Variants in KAT5 observed in about 807,000 individuals in gnomAD.
The protein encoded by KAT5 is lysine acetyltransferase 5, also known as histone acetyltransferase KAT5.
KAT5 carries 31 observed loss-of-function variants against 68.1 expected under a neutral mutation model. That is an observed-to-expected ratio of 0.46 (90% CI 0.34 to 0.61). The LOEUF (loss-of-function observed/expected upper bound fraction) is 0.61. Ranked by LOEUF, KAT5 falls within the 20% of genes least tolerant of loss-of-function variation. The pLI is 0.01. For synonymous variants in KAT5, 365 were observed against 292.6 expected (o/e 1.25, Z -2.52); for missense variants, 451 against 725.5 (o/e 0.62, Z 4.35).
chr11:65,714,988 TCAAGC>T, intron 8 of KAT5, 78 bp downstream of exon 8: 1 of 1,284,332 alleles, frequency 7.8e-7, no homozygotes. Context: ...CACTGACCAG[TCAAGC>T]CAGCAGATCA....
chr11:65,718,555 CCTCTTA>C (rs1857284998), intron 10 of KAT5, 29 bp from the exon 11 acceptor site: 2 of 1,597,114 alleles, frequency 1.3e-6, no homozygotes, highest in Non-Finnish European at 1.7e-6. Context: ...TCATCTGTGA[CCTCTTA>C]CTCACCCTCT....
upstream of KAT5, chr11:65,712,249 G>A (rs1857042128): frequency 7.1e-7 from 1 of 1,405,744 alleles, no homozygotes. Context: ...GGCCGGAAGT[G>A]GCAGTGGAGG....
intron 7 of KAT5, 31 bp from the exon 8 acceptor site, chr11:65,714,790 C>T (rs1268064559): frequency 6.2e-7 from 1 of 1,614,182 alleles, no homozygotes; most frequent in Non-Finnish European, 8.5e-7. Context: ...CTCCACGTTG[C>T]CCTTGTTCCT....
At chr11:65,716,351 A>G in intron 8 of KAT5, 2 of 316,992 alleles carry the variant, frequency 6.3e-6, no homozygotes, top group Non-Finnish European at 5.9e-6. Context: ...CTGCTGTTAA[A>G]AAACATTAAA....
intron 10 of KAT5, 75 bp from the exon 11 acceptor site, chr11:65,718,515 G>A (rs1857283246): frequency 4.6e-6 from 7 of 1,519,018 alleles, no homozygotes; most frequent in Non-Finnish European, 6.3e-6. Context: ...GCCTGCCTTG[G>A]CAACCTGTGT....
chr11:65,717,205 G>C lies in KAT5; in HGVS notation c.1264+223G>C. On this transcript the variant is annotated intron_variant, in intron 10 of 12. Transcript: ENST00000341318. ...GCCCCCCAGTTTGCTCCTTGGCCAG[G>C]GTTCTAAGTGCCACTCAGCTTTCCC... The C allele has an allele frequency of 1.7e-5, 10 of 589,830 alleles. No homozygotes were observed. In the South Asian group the frequency reaches 1.8e-4, roughly 11 times the overall value. 36.5% of individuals were successfully genotyped at this position (589,830 alleles called of 1,614,324 possible). A position where few individuals can be genotyped will look rare whatever the true frequency, so the allele number is the denominator to read the frequency against.
chr11:65,717,113 C>T (rs1857222877), intron 10 of KAT5, 131 bp downstream of exon 10: 5 of 710,458 alleles, frequency 7.0e-6, no homozygotes, highest in Admixed American at 4.4e-5. Flanking sequence ...CCAGAAATAA[C>T]AGTGGCACTC....
chr11:65,712,151 G>C (rs1309895859), upstream of KAT5: 10 of 1,024,748 alleles, frequency 9.8e-6, no homozygotes, highest in South Asian at 2.4e-5. Context: ...GCTGGGTCGC[G>C]GTGTCTCTCA....
intron 1 of KAT5, 39 bp from the exon 2 acceptor site, chr11:65,712,727 C>T (rs755341837): frequency 6.5e-5 from 105 of 1,609,508 alleles, no homozygotes; most frequent in Non-Finnish European, 8.3e-5. Flanking sequence ...GTCTCATAGC[C>T]TGGCCTGTCT....
intron 6 of KAT5, 105 bp downstream of exon 6, chr11:65,713,953 G>A: frequency 9.5e-7 from 1 of 1,051,654 alleles, no homozygotes. Flanking sequence ...GGGGTGGTGG[G>A]CAGAGCTAGT....
chr11:65,713,028 G>A lies in KAT5; in HGVS notation c.354G>A (p.Gly118=). Residue 118 remains glycine, a synonymous_variant, in exon 3 of 13, where the codon GGG becomes GGA. Coordinates refer to ENST00000341318, the MANE Select transcript of KAT5 (RefSeq NM_182710.3). ...AKTPTKNGLP[G]SRPGSPEREV... is the part of the protein sequence containing the mutation. ...CCCCCACTAAGAACGGACTTCCTGG[G>A]TCCCGTCCTGGCTCTCCAGAGAGAG... is the stretch of plus-strand genomic sequence containing the variant. 1 of 1,613,458 alleles carries A rather than the reference G, an allele frequency of 6.2e-7. No homozygotes were observed. Among genetic ancestry groups the A allele is most frequent in the Non-Finnish European group, 8.5e-7 (1 of 1,180,012 alleles).
chr11:65,715,274 G>A (rs1857154370), intron 8 of KAT5: 1 of 294,072 alleles, frequency 3.4e-6, no homozygotes, highest in Non-Finnish European at 6.7e-6. Context: ...TGAAGAGTAG[G>A]CATGGATGCA....
chr11:65,716,899 C>G lies in KAT5; in HGVS notation c.1181C>G (p.Ser394Ter). 1 of 1,614,120 alleles carries G rather than the reference C, an allele frequency of 6.2e-7. No individual in the cohort carries two copies. The highest frequency in any genetic ancestry group is 1.3e-5 in the African/African-American group (1 of 75,052). Residue 394 changes from serine (S) to a stop codon, truncating the protein, a stop_gained, in exon 10 of 13, where the codon TCA (serine) becomes TGA (stop). Transcript: ENST00000341318. LOFTEE classifies it high-confidence loss of function. ...IVGYFSKEKE[S>*]TEDYNVACIL... ...GTCCCCCTTCTCCAGGAGAAAGAATCAACGGAAGACTACAATGTGGCCTGC... is the reference window on the plus strand; with the variant it reads ...GTCCCCCTTCTCCAGGAGAAAGAATGAACGGAAGACTACAATGTGGCCTGC...
chr11:65,714,220 C>G, intron 6 of KAT5: 2 of 537,124 alleles, frequency 3.7e-6, no homozygotes, highest in East Asian at 3.3e-5. Flanking sequence ...GCTTGAACCC[C>G]GGAGGTGGAG....
At chr11:65,719,008 G>A (rs1300118434) in intron 12 of KAT5, 39 bp from the exon 13 acceptor site, 4 of 1,614,066 alleles carry the variant, frequency 2.5e-6, no homozygotes, top group Middle Eastern at 1.6e-4. Context: ...GCAGTCCTCT[G>A]TGGGCTGACC....
rs1467127366 is a variant in KAT5, at chr11:65,719,238, C to T, written c.*57C>T. ...CAGCAGGACTGGGGCTGATAGCCCA[C>T]CCCGCCCCCACTGCAGCTCCCACAA... is the stretch of plus-strand genomic sequence containing the variant. On this transcript the variant is annotated 3_prime_UTR_variant, in exon 13 of 13. Transcript: ENST00000341318. 14 of 1,583,754 alleles carry T rather than the reference C, an allele frequency of 8.8e-6. No individual in the cohort carries two copies. The highest frequency in any genetic ancestry group is 1.2e-5 in the Non-Finnish European group (14 of 1,162,660).
Position 65,713,336 on chromosome 11 carries a change from C to T in KAT5, c.385-12C>T. On this transcript the variant is annotated splice_polypyrimidine_tract_variant and intron_variant, in intron 3 of 12. Transcript: ENST00000341318. ...CCCGCCCCAAAGGAAGACCCTGGAC[C>T]TATCTCTACAGCCGGCCTCGGCGCA... 6.2e-7 allele frequency: 1 copy of T among 1,613,760 alleles called. No individual in the cohort carries two copies. Among genetic ancestry groups the T allele is most frequent in the Non-Finnish European group, 8.5e-7 (1 of 1,179,818 alleles).
upstream of KAT5, chr11:65,712,146 G>C (rs572971003): frequency 5.5e-5 from 54 of 983,788 alleles, no homozygotes; most frequent in Non-Finnish European, 7.1e-5. Context: ...TCGCAGCTGG[G>C]TCGCGGTGTC....
In KAT5 at chr11:65,713,763, T is replaced by G. The variant is rs1220319770; in HGVS notation, c.616-11T>G. 1 of 1,613,364 alleles carries G rather than the reference T, an allele frequency of 6.2e-7. No individual in the cohort carries two copies. The highest frequency in any genetic ancestry group is 2.2e-5 in the East Asian group (1 of 44,866). On this transcript the variant is annotated splice_polypyrimidine_tract_variant and intron_variant, in intron 5 of 12. Coordinates refer to ENST00000341318, the MANE Select transcript of KAT5 (RefSeq NM_182710.3). ...TCACAGCCATCCCTTCTTTTCCTAC[T>G]ATCTCGGCAGAATGGAGCCGCCCGT...
Sources: allele counts gnomAD v4.1 joint callset, GRCh38; gene constraint gnomAD v4.1.1; transcripts MANE v1.5; gene names NCBI Gene and HGNC (gene_info 2026-07-23, HGNC 2026-07-21).